Variants in IGF1 observed in about 807,000 individuals in gnomAD.
IGF1 encodes the protein insulin-like growth factor 1.
IGF1 carries 4 observed loss-of-function variants against 13.8 expected under a neutral mutation model. The observed-to-expected ratio is 0.29, with a 90% CI of 0.14 to 0.66. The LOEUF (loss-of-function observed/expected upper bound fraction) is 0.66, where lower values mean the gene tolerates loss of function less well. Among genes scored for constraint, IGF1 ranks in the 30% least tolerant of loss-of-function variants. The pLI is 0.78. For missense variants in IGF1, 124 were observed against 188.5 expected, an observed-to-expected ratio of 0.66 and a Z score of 2.00; for synonymous variants, 76 against 72.6, an observed-to-expected ratio of 1.05 and a Z score of -0.23.
rs1565984758 is a variant in IGF1, at chr12:102,441,932, T to TTCTTCTTCTTCTTCTTCTTCTTCC, written c.221-22243_221-22242insGGAAGAAGAAGAAGAAGAAGAAGA. Among the ~76,000 whole-genome samples the TTCTTCTTCTTCTTCTTCTTCTTCC allele has an allele frequency of 3.0e-5, 4 of 133,046 alleles. 2 individuals are homozygous for TTCTTCTTCTTCTTCTTCTTCTTCC. Among genetic ancestry groups the TTCTTCTTCTTCTTCTTCTTCTTCC allele is most frequent in the African/African-American group, 1.1e-4 (4 of 35,832 alleles). The allele number at this position is 133,046 out of a possible 152,430, so 87.3% of individuals were successfully genotyped here. ...CTTCTTCTCCTTCTTCTTCTTCTTCTTCTTCTTCTTCTTCTTCTTCTTCTT... is the reference window on the plus strand; with the variant it reads ...CTTCTTCTCCTTCTTCTTCTTCTTCTTCTTCTTCTTCTTCTTCTTCTTCCTCTTCTTCTTCTTCTTCTTCTTCTT... On this transcript the variant is annotated intron_variant, in intron 2 of 3. Coordinates refer to ENST00000337514, the MANE Select transcript of IGF1 (RefSeq NM_000618.5).
intron 2 of IGF1, 87 bp downstream of exon 2, chr12:102,475,554 TCA>T: frequency 7.0e-7 from 1 of 1,436,692 alleles, no homozygotes. Flanking sequence ...GGGCACTCAT[TCA>T]GTTATTCACA....
At chr12:102,437,851 G>A (rs1318701969) in intron 2 of IGF1, among the ~76,000 whole-genome samples, 4 of 152,186 alleles carry the variant, frequency 2.6e-5, no homozygotes, top group African/African-American at 7.2e-5. Flanking sequence ...TTTACACAAT[G>A]TATGCATGTA....
At chr12:102,405,236 G>A (rs982885257) in intron 3 of IGF1, among the ~76,000 whole-genome samples, 8 of 151,724 alleles carry the variant, frequency 5.3e-5, no homozygotes, top group South Asian at 2.1e-4. Flanking sequence ...ACAGGCACGC[G>A]CCATCATGCC....
At chr12:102,449,253 A>G (rs920907052) in intron 2 of IGF1, among the ~76,000 whole-genome samples, 1 of 152,170 alleles carries the variant, frequency 6.6e-6, no homozygotes, top group Non-Finnish European at 1.5e-5. Flanking sequence ...TTGAAGGGAC[A>G]TGGATGAAGC....
In IGF1 at chr12:102,441,915, C is replaced by CCTTCTTCTTCTTCTTCTT. The variant is rs57084343; in HGVS notation, c.221-22243_221-22226dup. Reference sequence around the variant, plus strand: ...GTCATTCTATTACACTGCTTCTTCTCCTTCTTCTTCTTCTTCTTCTTCTTC... The same window carrying CCTTCTTCTTCTTCTTCTT: ...GTCATTCTATTACACTGCTTCTTCTCCTTCTTCTTCTTCTTCTTCTTCTTCTTCTTCTTCTTCTTCTTC... On this transcript the variant is annotated intron_variant, in intron 2 of 3. Transcript: ENST00000337514. Among the ~76,000 whole-genome samples the CCTTCTTCTTCTTCTTCTT allele has an allele frequency of 2.7e-3, 326 of 122,142 alleles. 10 individuals carry two copies. The highest frequency in any genetic ancestry group is 7.8e-3 in the African/African-American group (255 of 32,500). 80.1% of individuals were successfully genotyped at this position (122,142 alleles called of 152,430 possible). A position where few individuals can be genotyped will look rare whatever the true frequency, so the allele number is the denominator to read the frequency against.
intron 1 of IGF1, among the ~76,000 whole-genome samples, chr12:102,479,642 G>T (rs1881285043): frequency 1.3e-5 from 2 of 152,124 alleles, no homozygotes; most frequent in African/African-American, 2.4e-5. Context: ...CTCTTAGAAA[G>T]TTTCTGCTTT....
chr12:102,468,575 G>T (rs966087363), intron 2 of IGF1, among the ~76,000 whole-genome samples: 1 of 152,308 alleles, frequency 6.6e-6, no homozygotes, highest in South Asian at 2.1e-4. Context: ...TCTTTGCTAT[G>T]TTTTAAACAT....
intron 2 of IGF1, among the ~76,000 whole-genome samples, chr12:102,421,285 C>G (rs913531178): frequency 2.0e-5 from 3 of 152,142 alleles, no homozygotes; most frequent in Non-Finnish European, 4.4e-5. Context: ...ATGGCTGTGG[C>G]ATTTGGGAGG....
intron 2 of IGF1, among the ~76,000 whole-genome samples, chr12:102,437,486 T>C (rs1877346878): frequency 6.6e-6 from 1 of 152,260 alleles, no homozygotes; most frequent in Non-Finnish European, 1.5e-5. Flanking sequence ...TTGCTTTTGT[T>C]GCTTTTGCTT....
rs1278620626 is a variant in IGF1 at position 102,401,792 on chromosome 12, C to T, written c.*715G>A. ...AACTTTCTATGTTTAAAACATATGCCTAAAAATGATTGGCCTCAAAGTTGC... is the reference window on the plus strand; with the variant it reads ...AACTTTCTATGTTTAAAACATATGCTTAAAAATGATTGGCCTCAAAGTTGC... On this transcript the variant is annotated 3_prime_UTR_variant, in exon 4 of 4. Transcript: ENST00000337514. 6.6e-6 allele frequency: 1 copy of T among 152,584 alleles called. No homozygotes were observed. Among genetic ancestry groups the T allele is most frequent in the Admixed American group, 6.6e-5 (1 of 15,264 alleles). 9.5% of individuals were successfully genotyped at this position (152,584 alleles called of 1,614,324 possible). A position where few individuals can be genotyped will look rare whatever the true frequency, so the allele number is the denominator to read the frequency against.
At chr12:102,411,184 A>T (rs1028151316) in intron 3 of IGF1, among the ~76,000 whole-genome samples, 1 of 152,166 alleles carries the variant, frequency 6.6e-6, no homozygotes, top group African/African-American at 2.4e-5. Context: ...GCATTTATTG[A>T]TTCATTCATA....
At chr12:102,443,812 T>C (rs1289067908) in intron 2 of IGF1, among the ~76,000 whole-genome samples, 1 of 151,928 alleles carries the variant, frequency 6.6e-6, no homozygotes, top group Non-Finnish European at 1.5e-5. Flanking sequence ...CTGTAACTTT[T>C]TATTTTTATT....
rs919436907 is a variant in IGF1 at position 102,396,820 on chromosome 12, T to A, written c.*5687A>T. 135 of 397,900 alleles carry A rather than the reference T, an allele frequency of 3.4e-4. No individual in the cohort carries two copies. Among genetic ancestry groups the A allele is most frequent in the African/African-American group, 2.6e-3 (125 of 48,594 alleles). 24.6% of individuals were successfully genotyped at this position (397,900 alleles called of 1,614,324 possible). ...TTTTTTTACTTTAAAAAAGCTTGGA[T>A]TTTTTTCCCCTTGAAAGACCCCATC... On this transcript the variant is annotated 3_prime_UTR_variant, in exon 4 of 4. Transcript: ENST00000337514.
At chr12:102,456,224 GTGT>G (rs1879389815) in intron 2 of IGF1, among the ~76,000 whole-genome samples, 1 of 17,028 alleles carries the variant, frequency 5.9e-5, no homozygotes, top group Non-Finnish European at 1.3e-4. Flanking sequence ...TAAAAAAGGT[GTGT>G]GTGTGTGTGT....
At chr12:102,463,642 G>A (rs1880092857) in intron 2 of IGF1, among the ~76,000 whole-genome samples, 1 of 152,186 alleles carries the variant, frequency 6.6e-6, no homozygotes, top group Admixed American at 6.5e-5. Context: ...TTTCATGAAT[G>A]GCTAAGAGCT....
intron 2 of IGF1, among the ~76,000 whole-genome samples, chr12:102,437,922 C>T (rs147935385): frequency 2.0e-4 from 31 of 152,246 alleles, no homozygotes; most frequent in African/African-American, 7.2e-4. Context: ...TAAAAGCAAG[C>T]ATACAAACCA....
chr12:102,461,044 G>C (rs1879856522), intron 2 of IGF1, among the ~76,000 whole-genome samples: 1 of 152,142 alleles, frequency 6.6e-6, no homozygotes, highest in African/African-American at 2.4e-5. Flanking sequence ...TTGAGACCCA[G>C]GGGATTAATA....
intron 2 of IGF1, chr12:102,423,066 T>C (rs2137016089): frequency 6.6e-6 from 1 of 152,196 alleles, no homozygotes; most frequent in African/African-American, 2.4e-5. Context: ...TCTTTTCTAT[T>C]CCAGACATTC....
intron 2 of IGF1, among the ~76,000 whole-genome samples, chr12:102,469,914 T>G (rs1592830463): frequency 6.6e-6 from 1 of 152,134 alleles, no homozygotes; most frequent in African/African-American, 2.4e-5. Context: ...CATAACATTC[T>G]TCATGTGATT....
Sources: gnomAD v4.1 joint callset for allele counts (sites outside exome capture counted in the v4.1 genomes callset) on GRCh38, gnomAD v4.1.1 for gene constraint, MANE v1.5 for transcripts, NCBI Gene and HGNC (gene_info 2026-07-23, HGNC 2026-07-21) for gene names.